TRAP1: variants seen among roughly 807,000 people sequenced by gnomAD.
TRAP1 encodes the protein TNF receptor associated protein 1, also known as heat shock protein 75 kDa, mitochondrial.
Under a neutral mutation model 89.1 loss-of-function variants are expected in TRAP1, and 102 were observed. The ratio of observed to expected loss-of-function variants is 1.15; its 90% CI spans 0.98 to 1.35. The LOEUF is 1.35. Ranked by LOEUF, TRAP1 falls within the 40% of genes most tolerant of loss-of-function variation. TRAP1 has a pLI of 0.00. For missense variants in TRAP1, 1,256 were observed against 945.3 expected, an observed-to-expected ratio of 1.33 and a Z score of -4.31; for synonymous variants, 508 against 388.0, an observed-to-expected ratio of 1.31 and a Z score of -3.64.
chr16:3,701,162 A>T (rs767873489), intron 1 of TRAP1, among the ~76,000 whole-genome samples: 1 of 152,230 alleles, frequency 6.6e-6, no homozygotes, highest in Admixed American at 6.5e-5. Context: ...TATTAATATC[A>T]AGTAAAATAC....
chr16:3,665,067 C>T (rs2050798305), intron 12 of TRAP1: 1 of 153,368 alleles, frequency 6.5e-6, no homozygotes, highest in South Asian at 2.0e-4. Context: ...CCCAGGCCAC[C>T]CCTGCACACA....
chr16:3,690,569 C>T (rs920275432), intron 2 of TRAP1, among the ~76,000 whole-genome samples: 3 of 152,184 alleles, frequency 2.0e-5, no homozygotes, highest in African/African-American at 7.2e-5. Flanking sequence ...GCAGATGTGC[C>T]ATGAATCACC....
At chr16:3,676,324 G>A (rs925666541) in intron 6 of TRAP1, 179 bp from the exon 7 acceptor site, 1 of 320,050 alleles carries the variant, frequency 3.1e-6, no homozygotes, top group Non-Finnish European at 5.6e-6. Flanking sequence ...CATCAGGAAC[G>A]ATGAGCCTGT....
intron 3 of TRAP1, 97 bp downstream of exon 3, chr16:3,688,958 G>C: frequency 8.8e-7 from 1 of 1,136,276 alleles, no homozygotes; most frequent in Non-Finnish European, 1.3e-6. Context: ...CTTTCTCACA[G>C]CTAATATATT....
chr16:3,665,624 C>T (rs1264249456), intron 12 of TRAP1, among the ~76,000 whole-genome samples: 1 of 152,198 alleles, frequency 6.6e-6, no homozygotes, highest in African/African-American at 2.4e-5. Context: ...GATCGGAGTC[C>T]TTGGCTTGTC....
At chr16:3,713,211 G>A (rs143563145) in intron 1 of TRAP1, among the ~76,000 whole-genome samples, 335 of 152,228 alleles carry the variant, frequency 2.2e-3, no homozygotes, top group African/African-American at 7.8e-3. Flanking sequence ...TCTCCTGAAG[G>A]GTGCAGCACA....
chr16:3,706,927 CTG>C (rs1373366607), intron 1 of TRAP1, among the ~76,000 whole-genome samples: 2 of 152,110 alleles, frequency 1.3e-5, no homozygotes. Flanking sequence ...TTCGGTTTGA[CTG>C]TGTGAGGAGC....
chr16:3,684,462 T>G (rs190696127), intron 4 of TRAP1, among the ~76,000 whole-genome samples: 1 of 152,192 alleles, frequency 6.6e-6, no homozygotes, highest in African/African-American at 2.4e-5. Flanking sequence ...TTCTAAAACT[T>G]TAGGTAAGAA....
intron 1 of TRAP1, among the ~76,000 whole-genome samples, chr16:3,697,621 G>A (rs891721197): frequency 1.3e-4 from 18 of 143,652 alleles, no homozygotes; most frequent in African/African-American, 2.9e-4. Flanking sequence ...CTGAGATGGC[G>A]CCACTGCACT....
At chr16:3,667,565 C>T (rs1256108169) in intron 11 of TRAP1, among the ~76,000 whole-genome samples, 4 of 150,672 alleles carry the variant, frequency 2.7e-5, no homozygotes, top group Non-Finnish European at 4.4e-5. Context: ...GCAGAGGTTT[C>T]GGTGAGCCAA....
intron 1 of TRAP1, among the ~76,000 whole-genome samples, chr16:3,713,617 T>C (rs2051560356): frequency 6.6e-6 from 1 of 152,350 alleles, no homozygotes; most frequent in South Asian, 2.1e-4. Flanking sequence ...GCATCTGGCA[T>C]GACCAGGAGA....
intron 1 of TRAP1, among the ~76,000 whole-genome samples, chr16:3,708,506 G>A (rs532439335): frequency 3.9e-4 from 59 of 152,110 alleles, no homozygotes; most frequent in African/African-American, 1.2e-3. Context: ...GCGTGGTGAC[G>A]GGTGCCTGTA....
At chr16:3,697,582 T>A (rs1038002204) in intron 1 of TRAP1, among the ~76,000 whole-genome samples, 1 of 147,942 alleles carries the variant, frequency 6.8e-6, no homozygotes, top group African/African-American at 2.5e-5. Context: ...GAGAATGGCA[T>A]GAACCCGGGA....
chr16:3,664,555 C>T (rs1567224591), intron 12 of TRAP1, 96 bp from the exon 13 acceptor site: 3 of 1,348,716 alleles, frequency 2.2e-6, no homozygotes, highest in Non-Finnish European at 3.0e-6. Flanking sequence ...CCATGGCCTC[C>T]TGGCACTCCA....
At chr16:3,712,193 G>A (rs1327428608) in intron 1 of TRAP1, among the ~76,000 whole-genome samples, 1 of 148,450 alleles carries the variant, frequency 6.7e-6, no homozygotes, top group East Asian at 2.0e-4. Flanking sequence ...GGAGGCTGAG[G>A]CAGGAGAACT....
chr16:3,685,784 G>A (rs891926588), intron 4 of TRAP1, among the ~76,000 whole-genome samples: 2 of 152,100 alleles, frequency 1.3e-5, no homozygotes, highest in Non-Finnish European at 2.9e-5. Context: ...TGGATGATGG[G>A]GTGATTTCAA....
At chr16:3,693,231 G>C (rs756764290) in intron 1 of TRAP1, among the ~76,000 whole-genome samples, 3 of 152,116 alleles carry the variant, frequency 2.0e-5, no homozygotes, top group Non-Finnish European at 4.4e-5. Flanking sequence ...TTACAGGCGT[G>C]AGCCACCATG....
intron 8 of TRAP1, chr16:3,674,827 G>A (rs1349372395): frequency 3.9e-5 from 15 of 386,574 alleles, no homozygotes; most frequent in Admixed American, 2.5e-4. Flanking sequence ...GACGACCCAC[G>A]CTGCACCGCA....
At position 3,658,302 on chromosome 16, in the gene TRAP1, A is replaced by G. The variant is rs546986993; in HGVS notation, c.2014-72T>C. 70 of 1,242,618 alleles carry G rather than the reference A, an allele frequency of 5.6e-5. No individual in the cohort carries two copies. In the Admixed American group the frequency reaches 1.1e-3, roughly 19 times the overall value. The allele number at this position is 1,242,618 out of a possible 1,614,324, so 77.0% of individuals were successfully genotyped here. ...TTTCATTTTTTTTTTTTTGAGACAG[A>G]GTCTCACTGTTGCCGAGGCTGGAGT... On this transcript the variant is annotated intron_variant, in intron 17 of 17. Coordinates refer to ENST00000246957, the MANE Select transcript of TRAP1 (RefSeq NM_016292.3).
Sources: gnomAD v4.1 joint callset for allele counts (sites outside exome capture counted in the v4.1 genomes callset) on GRCh38, gnomAD v4.1.1 for gene constraint, MANE v1.5 for transcripts, NCBI Gene and HGNC (gene_info 2026-07-23, HGNC 2026-07-21) for gene names.